NLK: variants seen among roughly 807,000 people sequenced by gnomAD.
NLK encodes the protein nemo like kinase.
NLK carries 11 observed loss-of-function variants against 59.0 expected under a neutral mutation model. That is an observed-to-expected ratio of 0.19 (90% CI 0.12 to 0.31). The LOEUF is 0.31. Ranked by LOEUF, NLK falls within the 10% of genes least tolerant of loss-of-function variation. The pLI is 1.00. For missense variants in NLK, 410 were observed against 661.1 expected, an observed-to-expected ratio of 0.62 and a Z score of 4.16; for synonymous variants, 235 against 235.9, an observed-to-expected ratio of 1.00 and a Z score of 0.03.
intron 1 of NLK, among the ~76,000 whole-genome samples, chr17:28,105,139 T>C (rs968820355): frequency 6.6e-6 from 1 of 152,220 alleles, no homozygotes; most frequent in East Asian, 1.9e-4. Context: ...TGTCTCTGAT[T>C]ACTACCTTGA....
intron 6 of NLK, among the ~76,000 whole-genome samples, 169 bp from the exon 7 acceptor site, chr17:28,172,345 ATCT>A (rs1908498496): frequency 6.6e-6 from 1 of 151,944 alleles, no homozygotes; most frequent in Non-Finnish European, 1.5e-5. Flanking sequence ...ATTCCTAGAA[ATCT>A]TTTTTAATAG....
At chr17:28,141,853 A>G (rs1444375510) in intron 3 of NLK, among the ~76,000 whole-genome samples, 3 of 152,092 alleles carry the variant, frequency 2.0e-5, no homozygotes, top group South Asian at 2.1e-4. Context: ...TCCTCTTTCA[A>G]ATTTGGTTTT....
intron 1 of NLK, among the ~76,000 whole-genome samples, chr17:28,075,799 C>T (rs530106597): frequency 6.6e-6 from 1 of 152,236 alleles, no homozygotes; most frequent in East Asian, 1.9e-4. Context: ...TTTTTTCCCC[C>T]TTCCTCAAAC....
intron 1 of NLK, among the ~76,000 whole-genome samples, chr17:28,104,267 GT>G (rs1161299837): frequency 1.3e-5 from 2 of 151,898 alleles, no homozygotes; most frequent in South Asian, 4.2e-4. Context: ...TTTTGTTTTT[GT>G]TTTTTTGAGA....
At chr17:28,048,665 A>G (rs1240701519) in intron 1 of NLK, 1 of 152,220 alleles carries the variant, frequency 6.6e-6, no homozygotes, top group Non-Finnish European at 1.5e-5. Context: ...CCTCTAATGG[A>G]GTACTGGAAT....
intron 3 of NLK, among the ~76,000 whole-genome samples, chr17:28,156,059 T>G (rs910695682): frequency 5.9e-5 from 9 of 152,194 alleles, no homozygotes; most frequent in Non-Finnish European, 1.2e-4. Context: ...TTGCATTTTT[T>G]TATAATTTCC....
chr17:28,112,199 C>A (rs933240019), intron 1 of NLK, among the ~76,000 whole-genome samples: 3 of 152,040 alleles, frequency 2.0e-5, no homozygotes, highest in African/African-American at 4.8e-5. Context: ...GATAGTCTGC[C>A]CTTCTTCTCA....
At chr17:28,181,425 C>T (rs1050127087) in intron 7 of NLK, among the ~76,000 whole-genome samples, 1 of 151,428 alleles carries the variant, frequency 6.6e-6, no homozygotes, top group Middle Eastern at 3.4e-3. Flanking sequence ...AAAAAAAAGC[C>T]AGCCGTGGTG....
intron 8 of NLK, among the ~76,000 whole-genome samples, chr17:28,190,767 ACTT>A (rs1298990698): frequency 6.6e-6 from 1 of 152,122 alleles, no homozygotes; most frequent in African/African-American, 2.4e-5. Flanking sequence ...CAATGTAGTA[ACTT>A]CTTAGAATTT....
intron 6 of NLK, among the ~76,000 whole-genome samples, chr17:28,172,046 A>G (rs1908483403): frequency 6.6e-6 from 1 of 151,358 alleles, no homozygotes; most frequent in South Asian, 2.1e-4. Context: ...ATAATCCTAT[A>G]TATAATAAAT....
chr17:28,169,067 G>C (rs765028891), intron 6 of NLK, among the ~76,000 whole-genome samples: 1 of 151,758 alleles, frequency 6.6e-6, no homozygotes, highest in Non-Finnish European at 1.5e-5. Flanking sequence ...TGTATTTTTA[G>C]TAGAGACAGG....
At chr17:28,196,751 C>T (rs1417125768), downstream of NLK, among the ~76,000 whole-genome samples, 1 of 152,092 alleles carries the variant, frequency 6.6e-6, no homozygotes, top group Non-Finnish European at 1.5e-5. Flanking sequence ...GACTTGACAC[C>T]TCCCTCCTCT....
Position 28,194,622 on chromosome 17 carries a change from C to T in NLK, c.1570C>T (p.Leu524=), listed in dbSNP as rs35149646. 501 of 1,597,934 alleles carry T rather than the reference C, an allele frequency of 3.1e-4. 4 individuals carry two copies. In the African/African-American group the frequency reaches 6.0e-3, roughly 19 times the overall value. Residue 524 remains leucine, a synonymous_variant, in exon 11 of 11, where the codon CTG becomes TTG. Transcript: ENST00000407008. ...AQPSEMPPSP[L]VWE ...GCCATCTGAGATGCCCCCATCTCCT[C>T]TGGTGTGGGAGTGATGGTGGAAGAT... is the stretch of plus-strand genomic sequence containing the variant.
chr17:28,051,453 G>A (rs1909253328), intron 1 of NLK, among the ~76,000 whole-genome samples: 2 of 151,618 alleles, frequency 1.3e-5, no homozygotes, highest in African/African-American at 4.8e-5. Flanking sequence ...CCACCTCCCA[G>A]GTTCAAGGGA....
intron 3 of NLK, among the ~76,000 whole-genome samples, chr17:28,156,483 C>T (rs1000395452): frequency 6.6e-5 from 10 of 152,160 alleles, no homozygotes; most frequent in Non-Finnish European, 1.0e-4. Flanking sequence ...AAAGTTCACA[C>T]GTATGTATGG....
intron 2 of NLK, among the ~76,000 whole-genome samples, chr17:28,123,715 A>G (rs2142820630): frequency 6.6e-6 from 1 of 152,268 alleles, no homozygotes; most frequent in Non-Finnish European, 1.5e-5. Context: ...ATTTATGGCT[A>G]TGTTTAGAGA....
chr17:28,169,424 A>G (rs189078342), intron 6 of NLK, among the ~76,000 whole-genome samples: 45 of 152,340 alleles, frequency 3.0e-4, no homozygotes, highest in African/African-American at 1.1e-3. Context: ...TTGGACTAAA[A>G]TATCTAAATA....
intron 1 of NLK, among the ~76,000 whole-genome samples, chr17:28,105,852 T>G (rs1905061108): frequency 6.6e-6 from 1 of 152,214 alleles, no homozygotes; most frequent in Non-Finnish European, 1.5e-5. Flanking sequence ...CCTCCCTGCA[T>G]CATGCCAACA....
intron 3 of NLK, among the ~76,000 whole-genome samples, chr17:28,155,900 A>G (rs1282494698): frequency 2.6e-5 from 4 of 152,196 alleles, no homozygotes; most frequent in South Asian, 2.1e-4. Flanking sequence ...TGTTGTGCAC[A>G]TGTACCCTAG....
Sources: gnomAD v4.1 joint callset for allele counts (sites outside exome capture counted in the v4.1 genomes callset) on GRCh38, gnomAD v4.1.1 for gene constraint, MANE v1.5 for transcripts, NCBI Gene and HGNC (gene_info 2026-07-23, HGNC 2026-07-21) for gene names.